The following PDE10A variants were observed in gnomAD, a reference collection of about 807,000 sequenced individuals.
PDE10A encodes the protein cAMP and cAMP-inhibited cGMP 3',5'-cyclic phosphodiesterase 10A.
PDE10A carries 39 observed loss-of-function variants against 97.7 expected under a neutral mutation model. The observed-to-expected ratio is 0.40, with a 90% CI of 0.31 to 0.52. The LOEUF (loss-of-function observed/expected upper bound fraction) is 0.52. Ranked by LOEUF, PDE10A falls within the 20% of genes least tolerant of loss-of-function variation. PDE10A has a pLI of 0.56. For missense variants in PDE10A, 731 were observed against 1,047.8 expected, an observed-to-expected ratio of 0.70 and a Z score of 4.17; for synonymous variants, 371 against 376.8, an observed-to-expected ratio of 0.98 and a Z score of 0.18.
rs185395215 is a variant in PDE10A at position 165,495,053 on chromosome 6, C to A, written c.995-12710G>T. ...AGTTGAAGCAGCACATTCAGCCTCC[C>A]ACCAGCCATTTCTAGCATCTCTAAC... On this transcript the variant is annotated intron_variant, in intron 2 of 21. Coordinates refer to ENST00000539869, the MANE Select transcript of PDE10A (RefSeq NM_001385079.1). Among the ~76,000 whole-genome samples the A allele has an allele frequency of 7.7e-4, 117 of 152,290 alleles. 2 individuals carry two copies. In the Middle Eastern group the frequency reaches 0.014, roughly 18 times the overall value.
chr6:165,897,398 A>T (rs1461049922), intron 1 of PDE10A, among the ~76,000 whole-genome samples: 2 of 151,976 alleles, frequency 1.3e-5, no homozygotes, highest in African/African-American at 4.8e-5. Context: ...ACAGTCTGGG[A>T]GTGGGCACCA....
intron 12 of PDE10A, among the ~76,000 whole-genome samples, chr6:165,415,214 T>C (rs1788224511): frequency 6.6e-6 from 1 of 152,206 alleles, no homozygotes; most frequent in African/African-American, 2.4e-5. Context: ...AATGATGAGT[T>C]TGGACTTTTG....
At chr6:165,593,953 C>T (rs1786431853) in intron 1 of PDE10A, among the ~76,000 whole-genome samples, 1 of 152,208 alleles carries the variant, frequency 6.6e-6, no homozygotes, top group Non-Finnish European at 1.5e-5. Context: ...TCAGACTAAC[C>T]TATAATGTAT....
At chr6:165,752,193 T>C (rs980858223) in intron 1 of PDE10A, among the ~76,000 whole-genome samples, 1 of 149,798 alleles carries the variant, frequency 6.7e-6, no homozygotes, top group Non-Finnish European at 1.5e-5. Flanking sequence ...GCCTACAGCC[T>C]ATACACTGCT....
rs578092432 is a variant in PDE10A at position 165,870,612 on chromosome 6, C to T, written c.-615+116917G>A. Among the ~76,000 whole-genome samples the T allele has an allele frequency of 9.2e-5, 14 of 152,104 alleles. No individual in the cohort carries two copies. In the East Asian group the frequency reaches 1.2e-3, roughly 13 times the overall value. On this transcript the variant is annotated intron_variant, in intron 1 of 19. Coordinates refer to the PDE10A transcript ENST00000366882. ...GCAATTCCACTACTGGGTATTTATC[C>T]GAAGGAAAGGAAATTAGTATATCAA...
chr6:165,344,773 A>G, intron 18 of PDE10A, among the ~76,000 whole-genome samples: 1 of 152,194 alleles, frequency 6.6e-6, no homozygotes, highest in East Asian at 1.9e-4. Context: ...CAGTTTTACT[A>G]CCTTGCTTTT....
At chr6:165,869,314 A>G (rs1008482595) in intron 1 of PDE10A, among the ~76,000 whole-genome samples, 1 of 151,074 alleles carries the variant, frequency 6.6e-6, no homozygotes, top group Non-Finnish European at 1.5e-5. Context: ...CTAGCTGAAA[A>G]AAAATCCAGA....
intron 3 of PDE10A, among the ~76,000 whole-genome samples, chr6:165,460,730 G>T (rs547583472): frequency 9.2e-5 from 14 of 152,228 alleles, no homozygotes; most frequent in African/African-American, 3.1e-4. Flanking sequence ...TATAACTTCT[G>T]CACCTATAAA....
intron 1 of PDE10A, among the ~76,000 whole-genome samples, chr6:165,858,758 T>A (rs1780818744): frequency 6.6e-6 from 1 of 152,220 alleles, no homozygotes; most frequent in Non-Finnish European, 1.5e-5. Context: ...TTAAGGAAGA[T>A]GCTCCTCCTT....
At chr6:165,493,960 C>G (rs1428116933) in intron 2 of PDE10A, among the ~76,000 whole-genome samples, 1 of 150,002 alleles carries the variant, frequency 6.7e-6, no homozygotes, top group Non-Finnish European at 1.5e-5. Flanking sequence ...ACAGGGAACT[C>G]AAATAAGCAA....
chr6:165,882,165 C>T (rs1474669840), intron 1 of PDE10A, among the ~76,000 whole-genome samples: 2 of 152,174 alleles, frequency 1.3e-5, no homozygotes, highest in African/African-American at 4.8e-5. Flanking sequence ...CATGGCCATC[C>T]CCGACCTAGT....
At chr6:165,775,812 G>A (rs910823655) in intron 1 of PDE10A, 1 of 152,144 alleles carries the variant, frequency 6.6e-6, no homozygotes, top group Non-Finnish European at 1.5e-5. Flanking sequence ...AAGCTCATAG[G>A]TAGCAAAAAT....
chr6:165,914,605 TCAGA>T (rs1343075494), intron 1 of PDE10A, among the ~76,000 whole-genome samples: 1 of 152,208 alleles, frequency 6.6e-6, no homozygotes, highest in African/African-American at 2.4e-5. Flanking sequence ...TGTCACCAAC[TCAGA>T]CAGAATGGGT....
intron 14 of PDE10A, among the ~76,000 whole-genome samples, chr6:165,395,550 G>T (rs1457905208): frequency 1.3e-5 from 2 of 151,996 alleles, no homozygotes; most frequent in African/African-American, 2.4e-5. Context: ...GTACAAAAAG[G>T]TATATTACAA....
At chr6:165,452,873 C>A in intron 3 of PDE10A, among the ~76,000 whole-genome samples, 1 of 147,298 alleles carries the variant, frequency 6.8e-6, no homozygotes, top group Non-Finnish European at 1.5e-5. Flanking sequence ...ATAAAGGAAG[C>A]ATCAAGGGAA....
At chr6:165,536,836 C>T (rs1009146665) in intron 2 of PDE10A, among the ~76,000 whole-genome samples, 12 of 151,880 alleles carry the variant, frequency 7.9e-5, no homozygotes, top group East Asian at 1.9e-4. Context: ...AATGCTCGTA[C>T]GCTATTGGTA....
At chr6:165,487,346 C>G (rs1424812285) in intron 2 of PDE10A, among the ~76,000 whole-genome samples, 1 of 152,184 alleles carries the variant, frequency 6.6e-6, no homozygotes, top group Non-Finnish European at 1.5e-5. Context: ...TCAGGTGTCA[C>G]TGTCTCCCGT....
chr6:165,364,847 A>G (rs1783662964), intron 18 of PDE10A, among the ~76,000 whole-genome samples: 1 of 152,190 alleles, frequency 6.6e-6, no homozygotes, highest in African/African-American at 2.4e-5. Context: ...AAATTAGAAA[A>G]TTACTTTGAA....
At chr6:165,854,838 C>G (rs1255732002) in intron 1 of PDE10A, among the ~76,000 whole-genome samples, 3 of 152,134 alleles carry the variant, frequency 2.0e-5, no homozygotes, top group Non-Finnish European at 4.4e-5. Flanking sequence ...TTGGCGGCGC[C>G]CACTCCTGGC....
Sources: gnomAD v4.1 joint callset for allele counts (sites outside exome capture counted in the v4.1 genomes callset) on GRCh38, gnomAD v4.1.1 for gene constraint, MANE v1.5 for transcripts, NCBI Gene and HGNC (gene_info 2026-07-23, HGNC 2026-07-21) for gene names.